The following CLINT1 variants were observed in gnomAD, a reference collection of about 807,000 sequenced individuals.
The protein encoded by CLINT1 is clathrin interacting protein localized in the trans-Golgi region.
In CLINT1, 15 loss-of-function variants were observed where a neutral mutation model predicts 70.4. The ratio of observed to expected loss-of-function variants is 0.21; its 90% CI spans 0.14 to 0.33. The LOEUF (loss-of-function observed/expected upper bound fraction) is 0.33, where lower values mean the gene tolerates loss of function less well. Ranked by LOEUF, CLINT1 falls within the 10% of genes least tolerant of loss-of-function variation. CLINT1 has a pLI of 1.00. For synonymous variants in CLINT1, 227 were observed against 254.7 expected (o/e 0.89, Z 1.04); for missense variants, 615 against 778.1 (o/e 0.79, Z 2.49).
chr5:157,818,125 C>T (rs929457056), intron 1 of CLINT1, among the ~76,000 whole-genome samples: 4 of 152,016 alleles, frequency 2.6e-5, no homozygotes, highest in African/African-American at 7.2e-5. Context: ...TCACTGTAAC[C>T]CTCACTTTTA....
intron 10 of CLINT1, 124 bp from the exon 11 acceptor site, chr5:157,789,637 CACA>C (rs1761841798): frequency 7.9e-7 from 1 of 1,265,044 alleles, no homozygotes; most frequent in Non-Finnish European, 1.1e-6. Flanking sequence ...GCAATTTAAT[CACA>C]ACAATGAACT....
chr5:157,858,375 C>G (rs1296382220), intron 1 of CLINT1, among the ~76,000 whole-genome samples: 1 of 152,206 alleles, frequency 6.6e-6, no homozygotes, highest in Non-Finnish European at 1.5e-5. Flanking sequence ...TTCAGGCTGA[C>G]CACAATAGCC....
intron 1 of CLINT1, among the ~76,000 whole-genome samples, chr5:157,854,747 T>C (rs1054514524): frequency 1.3e-5 from 2 of 152,140 alleles, no homozygotes; most frequent in African/African-American, 4.8e-5. Context: ...AATCAACTTA[T>C]GAGGGAAAAT....
intron 8 of CLINT1, 83 bp downstream of exon 8, chr5:157,803,567 A>T (rs1389075058): frequency 2.2e-6 from 2 of 909,122 alleles, no homozygotes; most frequent in Non-Finnish European, 3.1e-6. Flanking sequence ...CAAATAAGTA[A>T]TCTTATTTTT....
chr5:157,808,865 A>C (rs1762462115), intron 6 of CLINT1, among the ~76,000 whole-genome samples: 1 of 152,140 alleles, frequency 6.6e-6, no homozygotes, highest in Admixed American at 6.5e-5. Flanking sequence ...ATTAAACTTA[A>C]TATATAAACT....
rs184448731 is a variant in CLINT1 at position 157,817,587 on chromosome 5, T to G, written c.42-40A>C. ...AATGCACGCACACATGCACAAAGATTAGCATCAAAACTGAGAAACACATGA... is the reference window on the plus strand; with the variant it reads ...AATGCACGCACACATGCACAAAGATGAGCATCAAAACTGAGAAACACATGA... On this transcript the variant is annotated intron_variant, in intron 1 of 11. Transcript: ENST00000411809. 4 of 1,314,030 alleles carry G rather than the reference T, an allele frequency of 3.0e-6. No homozygotes were observed. The East Asian group carries it at 9.9e-5, about 32-fold the overall frequency. The allele number at this position is 1,314,030 out of a possible 1,614,324, so 81.4% of individuals were successfully genotyped here. A position where few individuals can be genotyped will look rare whatever the true frequency, so the allele number is the denominator to read the frequency against.
intron 6 of CLINT1, among the ~76,000 whole-genome samples, chr5:157,807,356 A>G (rs1345387856): frequency 1.3e-5 from 2 of 152,112 alleles, no homozygotes; most frequent in South Asian, 2.1e-4. Context: ...TACAAGTAAA[A>G]CTGAAATTTC....
At position 157,795,082 on chromosome 5, in the gene CLINT1, TGCCTCACAAAA is replaced by T. The variant is rs1284787603; in HGVS notation, c.1013-121_1013-111del. The T allele has an allele frequency of 1.5e-5, 12 of 809,944 alleles. No individual in the cohort carries two copies. In the African/African-American group the frequency reaches 1.5e-4, roughly 10 times the overall value. 50.2% of individuals were successfully genotyped at this position (809,944 alleles called of 1,614,324 possible). On this transcript the variant is annotated intron_variant, in intron 8 of 11. Coordinates refer to ENST00000411809, the MANE Select transcript of CLINT1 (RefSeq NM_014666.4). The stretch of plus-strand genomic sequence containing the variant: ...AAGTACCTAATATTAGAGGCCCAGA[TGCCTCACAAAA>T]GCTAAAGCTAGTCTGTTGACCTAGA...
At chr5:157,846,464 G>A (rs1240226429) in intron 1 of CLINT1, among the ~76,000 whole-genome samples, 1 of 152,240 alleles carries the variant, frequency 6.6e-6, no homozygotes, top group African/African-American at 2.4e-5. Context: ...AGGTGAGGAA[G>A]CTGCAAAAGA....
intron 1 of CLINT1, among the ~76,000 whole-genome samples, chr5:157,829,428 A>G (rs1763148570): frequency 6.6e-6 from 1 of 152,242 alleles, no homozygotes; most frequent in Non-Finnish European, 1.5e-5. Context: ...GGTTCCAGGG[A>G]AGGTCTGAAA....
intron 5 of CLINT1, among the ~76,000 whole-genome samples, chr5:157,810,713 G>C (rs1419589854): frequency 6.6e-6 from 1 of 152,154 alleles, no homozygotes; most frequent in Non-Finnish European, 1.5e-5. Flanking sequence ...AAGGTACAGA[G>C]AGCACGTGAG....
intron 8 of CLINT1, among the ~76,000 whole-genome samples, chr5:157,800,192 A>T (rs1762168897): frequency 6.6e-6 from 1 of 152,158 alleles, no homozygotes; most frequent in African/African-American, 2.4e-5. Flanking sequence ...TTCTACAATG[A>T]TTTTACCATA....
chr5:157,847,109 A>T (rs1300754114), intron 1 of CLINT1, among the ~76,000 whole-genome samples: 4 of 152,206 alleles, frequency 2.6e-5, no homozygotes, highest in African/African-American at 9.6e-5. Flanking sequence ...AAGAAAATAC[A>T]TTCCATAAGG....
intron 1 of CLINT1, among the ~76,000 whole-genome samples, chr5:157,830,796 CTA>C (rs369160163): frequency 0.11 from 9,163 of 85,000 alleles, 472 homozygotes; most frequent in East Asian, 0.23. Flanking sequence ...CTCTCTCTCT[CTA>C]TATATATATA....
At chr5:157,814,950 T>G in intron 3 of CLINT1, among the ~76,000 whole-genome samples, 1 of 146,192 alleles carries the variant, frequency 6.8e-6, no homozygotes, top group East Asian at 2.0e-4. Context: ...CAAGAATCAC[T>G]CGAACCCAGA....
chr5:157,830,796 C>CTA (rs369160163), intron 1 of CLINT1, among the ~76,000 whole-genome samples: 4,555 of 85,316 alleles, frequency 0.053, 224 homozygotes, highest in Non-Finnish European at 0.068. Flanking sequence ...CTCTCTCTCT[C>CTA]TATATATATA....
intron 1 of CLINT1, among the ~76,000 whole-genome samples, chr5:157,836,703 G>A: frequency 6.6e-6 from 1 of 152,056 alleles, no homozygotes; most frequent in East Asian, 1.9e-4. Flanking sequence ...TCTTTATCCA[G>A]GACCTTGCTT....
intron 1 of CLINT1, among the ~76,000 whole-genome samples, chr5:157,846,339 T>C (rs1219556485): frequency 6.6e-6 from 1 of 152,102 alleles, no homozygotes; most frequent in Non-Finnish European, 1.5e-5. Context: ...ACTGCTGATA[T>C]GGAGAAAGTT....
intron 1 of CLINT1, among the ~76,000 whole-genome samples, chr5:157,851,704 A>G (rs1006482384): frequency 6.6e-6 from 1 of 151,546 alleles, no homozygotes; most frequent in Non-Finnish European, 1.5e-5. Context: ...AAAAAAAAAA[A>G]GAAATGAAAT....
Sources: allele counts gnomAD v4.1 joint callset (sites outside exome capture counted in the v4.1 genomes callset), GRCh38; gene constraint gnomAD v4.1.1; transcripts MANE v1.5; gene names NCBI Gene and HGNC (gene_info 2026-07-23, HGNC 2026-07-21).